TNFRSF10D: variants seen among roughly 807,000 people sequenced by gnomAD.
The protein encoded by TNFRSF10D is TNF receptor superfamily member 10d.
In TNFRSF10D, 28 loss-of-function variants were observed where a neutral mutation model predicts 42.1. The observed-to-expected ratio is 0.66, with a 90% CI of 0.49 to 0.91. The LOEUF (loss-of-function observed/expected upper bound fraction) is 0.91, where lower values mean the gene tolerates loss of function less well. Among genes scored for constraint, TNFRSF10D ranks in the 40% least tolerant of loss-of-function variants. The pLI, the probability that TNFRSF10D is intolerant of heterozygous loss-of-function variation, is 0.00. For missense variants in TNFRSF10D, 503 were observed against 486.1 expected, an observed-to-expected ratio of 1.03 and a Z score of -0.33; for synonymous variants, 186 against 189.4, an observed-to-expected ratio of 0.98 and a Z score of 0.15.
chr8:23,163,641 ACTC>A, intron 1 of TNFRSF10D, 142 bp downstream of exon 1: 1 of 1,311,114 alleles, frequency 7.6e-7, no homozygotes, highest in Non-Finnish European at 1.0e-6. Flanking sequence ...TCTTCCCCTG[ACTC>A]CGACGGCGGG....
intron 1 of TNFRSF10D, among the ~76,000 whole-genome samples, chr8:23,157,849 C>T (rs1368673989): frequency 6.6e-6 from 1 of 152,156 alleles, no homozygotes; most frequent in Non-Finnish European, 1.5e-5. Flanking sequence ...GAGGGCTCCC[C>T]GCTTCTGACA....
At chr8:23,156,961 T>C (rs185506423) in intron 1 of TNFRSF10D, among the ~76,000 whole-genome samples, 4 of 152,382 alleles carry the variant, frequency 2.6e-5, no homozygotes, top group African/African-American at 7.2e-5. Flanking sequence ...TATTTTATGA[T>C]TGATTAATGT....
At chr8:23,160,952 G>A (rs897192504) in intron 1 of TNFRSF10D, among the ~76,000 whole-genome samples, 7 of 152,226 alleles carry the variant, frequency 4.6e-5, no homozygotes, top group African/African-American at 1.4e-4. Context: ...TCTGTTCCTC[G>A]ATGGCCCCTC....
chr8:23,145,955 T>A (rs200428488), intron 4 of TNFRSF10D, 34 bp from the exon 5 acceptor site: 2 of 1,613,360 alleles, frequency 1.2e-6, no homozygotes, highest in Non-Finnish European at 1.7e-6. Flanking sequence ...CAGGGACTCT[T>A]GATGGAAAGC....
At chr8:23,157,353 T>A (rs1294198088) in intron 1 of TNFRSF10D, among the ~76,000 whole-genome samples, 1 of 152,268 alleles carries the variant, frequency 6.6e-6, no homozygotes, top group Non-Finnish European at 1.5e-5. Context: ...ACAGATTTTT[T>A]AGAAGTGTAT....
intron 1 of TNFRSF10D, among the ~76,000 whole-genome samples, chr8:23,161,534 C>G (rs911438106): frequency 2.0e-5 from 3 of 152,206 alleles, no homozygotes; most frequent in Non-Finnish European, 4.4e-5. Context: ...CTGGCCCCAG[C>G]TGACCACGGT....
chr8:23,149,039 A>C (rs1563358554), intron 2 of TNFRSF10D, among the ~76,000 whole-genome samples: 3 of 151,308 alleles, frequency 2.0e-5, no homozygotes, highest in South Asian at 4.2e-4. Flanking sequence ...AAATACAAAA[A>C]ATTAGCCGGG....
In TNFRSF10D at chr8:23,152,264, T is replaced by C. The variant is rs970285174; in HGVS notation, c.256+2610A>G. Among the ~76,000 whole-genome samples the C allele has an allele frequency of 7.2e-5, 11 of 152,328 alleles. No individual in the cohort carries two copies. In the East Asian group the frequency reaches 1.7e-3, roughly 24 times the overall value. On this transcript the variant is annotated intron_variant, in intron 2 of 8. Transcript: ENST00000312584. The stretch of plus-strand genomic sequence containing the variant: ...CCAGAGAGAAGAGGATAGCACACTT[T>C]GCAGCACTTACGGGAAGTGGGGAGC...
rs1315439066 is a variant in TNFRSF10D at position 23,136,986 on chromosome 8, C to A, written c.*884G>T. ...CTCCGTCACTAGTTATATTTTTAGT[C>A]ATTTTTGACTGCTGATTTGTATCCA... On this transcript the variant is annotated 3_prime_UTR_variant, in exon 9 of 9. Transcript: ENST00000312584. 1 of 152,100 alleles carries A rather than the reference C, an allele frequency of 6.6e-6. No homozygotes were observed. The highest frequency in any genetic ancestry group is 2.4e-5 in the African/African-American group (1 of 41,410). 9.4% of individuals were successfully genotyped at this position (152,100 alleles called of 1,614,324 possible). A position where few individuals can be genotyped will look rare whatever the true frequency, so the allele number is the denominator to read the frequency against.
intron 1 of TNFRSF10D, among the ~76,000 whole-genome samples, chr8:23,161,920 T>G (rs1800372776): frequency 6.6e-6 from 1 of 152,194 alleles, no homozygotes; most frequent in Non-Finnish European, 1.5e-5. Context: ...CTGGTGCGCA[T>G]GGACATGTGG....
At chr8:23,143,222 C>T in intron 7 of TNFRSF10D, among the ~76,000 whole-genome samples, 1 of 150,394 alleles carries the variant, frequency 6.6e-6, no homozygotes, top group Non-Finnish European at 1.5e-5. Flanking sequence ...GTGATCCACC[C>T]TCCTCGGCCT....
At position 23,163,868 on chromosome 8, in the gene TNFRSF10D, C is replaced by A. The variant is rs189314147; in HGVS notation, c.68G>T (p.Arg23Met). 5.6e-6 allele frequency: 9 copies of A among 1,603,854 alleles called. No homozygotes were observed. The highest frequency in any genetic ancestry group is 3.4e-5 in the Admixed American group (2 of 58,588). Residue 23 changes from arginine (R) to methionine (M), a missense_variant, in exon 1 of 9, where the codon AGG (arginine) becomes ATG (methionine). Arg to Met is a moderately conservative substitution (Grantham distance 91). Coordinates refer to ENST00000312584, the MANE Select transcript of TNFRSF10D (RefSeq NM_003840.5). The part of the protein sequence containing the change: ...SARAGRYPGA[R>M]TASGTRPWLL... ...CCATGGTCTGGTTCCCGACGCTGTC[C>A]TGGCTCCTGGATAGCGCCCTGCTCG...
chr8:23,149,942 T>C (rs1222667460), intron 2 of TNFRSF10D, among the ~76,000 whole-genome samples: 13 of 152,190 alleles, frequency 8.5e-5, no homozygotes, highest in Non-Finnish European at 1.6e-4. Flanking sequence ...GGGCCTCTTA[T>C]AATTATCCCA....
At chr8:23,140,085 C>A (rs140841745) in intron 7 of TNFRSF10D, among the ~76,000 whole-genome samples, 2 of 152,084 alleles carry the variant, frequency 1.3e-5, no homozygotes, top group Admixed American at 6.5e-5. Flanking sequence ...GTCAGGAGAT[C>A]GAGACCATCC....
chr8:23,143,201 C>T (rs1800057947), intron 7 of TNFRSF10D, among the ~76,000 whole-genome samples: 1 of 150,856 alleles, frequency 6.6e-6, no homozygotes, highest in Admixed American at 6.6e-5. Flanking sequence ...TGGTCTCCAT[C>T]TCTTGACCTT....
At chr8:23,161,805 A>T (rs1800371373) in intron 1 of TNFRSF10D, among the ~76,000 whole-genome samples, 2 of 152,218 alleles carry the variant, frequency 1.3e-5, no homozygotes, top group South Asian at 4.1e-4. Flanking sequence ...GCTGAGTTCA[A>T]TGGTCTTTTG....
chr8:23,143,217 C>G (rs1036698489), intron 7 of TNFRSF10D, among the ~76,000 whole-genome samples: 1 of 150,440 alleles, frequency 6.6e-6, no homozygotes, highest in African/African-American at 2.5e-5. Flanking sequence ...ACCTTGTGAT[C>G]CACCCTCCTC....
At chr8:23,152,316 G>C (rs1800221915) in intron 2 of TNFRSF10D, among the ~76,000 whole-genome samples, 1 of 152,230 alleles carries the variant, frequency 6.6e-6, no homozygotes, top group Non-Finnish European at 1.5e-5. Flanking sequence ...ACTAACCGGT[G>C]TGTGGGGAGC....
chr8:23,163,089 CTTTTTTTTTT>C (rs59385093), intron 1 of TNFRSF10D, among the ~76,000 whole-genome samples: 14 of 57,202 alleles, frequency 2.4e-4, no homozygotes, highest in African/African-American at 3.2e-4. Flanking sequence ...GCCTGGCTAA[CTTTTTTTTTT>C]TTTTTTTTTT....
Sources: allele counts gnomAD v4.1 joint callset (sites outside exome capture counted in the v4.1 genomes callset), GRCh38; gene constraint gnomAD v4.1.1; transcripts MANE v1.5; gene names NCBI Gene and HGNC (gene_info 2026-07-23, HGNC 2026-07-21).